COLEC10: variants seen among roughly 807,000 people sequenced by gnomAD.
COLEC10 encodes collectin subfamily member 10.
COLEC10 carries 22 observed loss-of-function variants against 28.4 expected under a neutral mutation model. The observed-to-expected ratio is 0.78, with a 90% CI of 0.55 to 1.11. The LOEUF is 1.11. Among genes scored for constraint, COLEC10 ranks in the 50% least tolerant of loss-of-function variants. COLEC10 has a pLI of 0.00. For missense variants in COLEC10, 361 were observed against 344.1 expected (o/e 1.05, Z -0.39); for synonymous variants, 125 against 116.1 (o/e 1.08, Z -0.49).
At position 119,106,125 on chromosome 8, in the gene COLEC10, A is replaced by T. The variant is rs1815937577; in HGVS notation, c.768A>T (p.Arg256Ser). 6.2e-7 allele frequency: 1 copy of T among 1,613,708 alleles called. No individual in the cohort carries two copies. Among genetic ancestry groups the T allele is most frequent in the Non-Finnish European group, 8.5e-7 (1 of 1,179,812 alleles). The change falls in exon 6 of 6, where the codon AGA (arginine) becomes AGT (serine). Residue 256 changes from arginine to serine, a missense_variant. Arg to Ser is a moderately radical substitution (Grantham distance 110, BLOSUM62 -1). This residue lies in a region of COLEC10 where 4 missense variants were observed against 18.3 expected (regional missense o/e 0.22). Coordinates refer to ENST00000332843, the MANE Select transcript of COLEC10 (RefSeq NM_006438.5). ...EDCVEMLSSG[R>S]WNDTECHLTM... is the part of the protein sequence containing the mutation. ...GTGTGGAGATGCTGAGCTCTGGCAG[A>T]TGGAATGACACAGAGTGCCATCTTA...
intron 1 of COLEC10, among the ~76,000 whole-genome samples, chr8:119,076,444 GTAGAGA>G (rs1815239068): frequency 4.6e-5 from 7 of 152,034 alleles, no homozygotes; most frequent in African/African-American, 1.7e-4. Context: ...TGTATTTTTA[GTAGAGA>G]TGGGGTTTCA....
chr8:119,017,457 A>G (rs373739570), intron 2 of COLEC10, among the ~76,000 whole-genome samples: 1 of 152,168 alleles, frequency 6.6e-6, no homozygotes, highest in Admixed American at 6.5e-5. Context: ...TTACTTATTG[A>G]TGGTGCTTGA....
chr8:119,079,204 C>T (rs1815319149), intron 1 of COLEC10, among the ~76,000 whole-genome samples: 2 of 152,092 alleles, frequency 1.3e-5, no homozygotes, highest in African/African-American at 2.4e-5. Flanking sequence ...TATTCTGGAG[C>T]TCTCACTACC....
At chr8:118,969,680 T>C in the COLEC10 span, among the ~76,000 whole-genome samples, 1 of 151,612 alleles carries the variant, frequency 6.6e-6, no homozygotes, top group Non-Finnish European at 1.5e-5. Context: ...ATAATTGGCT[T>C]GTTTCTTTCT....
rs117716833 is a variant in COLEC10 at position 119,027,872 on chromosome 8, C to T, written n.235+18319C>T. 2.6e-5 allele frequency among the ~76,000 whole-genome samples: 4 copies of T among 152,260 alleles called. No individual in the cohort carries two copies. The East Asian group carries it at 7.7e-4, about 29-fold the overall frequency. On this transcript the variant is annotated intron_variant and non_coding_transcript_variant, in intron 2 of 6. Coordinates refer to the COLEC10 transcript ENST00000521788. ...AAATTTTGGCTAAAACACTTAACAA[C>T]TTGTATTATAATGTGGTTCATTGAA...
At chr8:119,018,990 A>C (rs1312172458) in intron 2 of COLEC10, among the ~76,000 whole-genome samples, 3 of 152,078 alleles carry the variant, frequency 2.0e-5, no homozygotes, top group Non-Finnish European at 2.9e-5. Flanking sequence ...CAAGATAAGG[A>C]TTTTGTTTGA....
intron 1 of COLEC10, among the ~76,000 whole-genome samples, chr8:119,009,281 A>C (rs1480896956): frequency 1.3e-5 from 2 of 150,830 alleles, no homozygotes; most frequent in African/African-American, 5.0e-5. Flanking sequence ...CTTGATCCTC[A>C]ATGTGGCAGC....
At chr8:119,037,458 T>C (rs1449603396) in intron 2 of COLEC10, among the ~76,000 whole-genome samples, 1 of 152,182 alleles carries the variant, frequency 6.6e-6, no homozygotes, top group East Asian at 1.9e-4. Flanking sequence ...TAACAAGTTA[T>C]TCAGCACTGA....
chr8:119,007,167 CTT>C (rs1277333437), intron 1 of COLEC10, among the ~76,000 whole-genome samples: 1 of 152,040 alleles, frequency 6.6e-6, no homozygotes, highest in Non-Finnish European at 1.5e-5. Context: ...GACTGAAAAA[CTT>C]TGTGTTAAGT....
intron 1 of COLEC10, among the ~76,000 whole-genome samples, chr8:119,073,559 TG>T (rs1404690556): frequency 3.3e-5 from 5 of 152,158 alleles, no homozygotes; most frequent in Non-Finnish European, 5.9e-5. Flanking sequence ...TTCAGTGGTT[TG>T]TTTTTTTTTA....
the COLEC10 span, among the ~76,000 whole-genome samples, chr8:118,974,621 C>G: frequency 1.3e-5 from 2 of 151,964 alleles, no homozygotes; most frequent in Non-Finnish European, 2.9e-5. Context: ...TGTTCATTCT[C>G]ACTGTTCTCA....
intron 1 of COLEC10, among the ~76,000 whole-genome samples, chr8:119,074,746 T>C (rs1815192534): frequency 1.3e-5 from 2 of 152,212 alleles, no homozygotes; most frequent in Non-Finnish European, 2.9e-5. Flanking sequence ...GACCACCTCT[T>C]CTCTTCGCTG....
intron 2 of COLEC10, among the ~76,000 whole-genome samples, chr8:119,062,049 A>G (rs530033633): frequency 6.6e-6 from 1 of 152,320 alleles, no homozygotes; most frequent in East Asian, 1.9e-4. Context: ...AGAGAGAAAC[A>G]AAATTAGTAC....
At chr8:119,073,539 G>A (rs1453057623) in intron 1 of COLEC10, among the ~76,000 whole-genome samples, 3 of 151,960 alleles carry the variant, frequency 2.0e-5, no homozygotes, top group Non-Finnish European at 4.4e-5. Context: ...CATAAGGACA[G>A]ACCAATATTT....
At chr8:119,031,611 A>T (rs1814289500) in intron 2 of COLEC10, among the ~76,000 whole-genome samples, 1 of 152,268 alleles carries the variant, frequency 6.6e-6, no homozygotes, top group Admixed American at 6.5e-5. Context: ...AGGAACATGC[A>T]GCTGAAAGAG....
chr8:119,064,779 T>G (rs1385495), upstream of COLEC10, among the ~76,000 whole-genome samples: 33,930 of 152,048 alleles, frequency 0.22, 4,050 homozygotes, highest in East Asian at 0.47. Context: ...AGCAGGATTT[T>G]GGGAAATAAT....
intron 2 of COLEC10, among the ~76,000 whole-genome samples, chr8:119,049,922 A>G (rs986136366): frequency 2.0e-5 from 3 of 152,200 alleles, no homozygotes; most frequent in Non-Finnish European, 2.9e-5. Flanking sequence ...CAGTATTGCT[A>G]TGGCTGAACA....
chr8:119,091,232 C>T lies in COLEC10; in HGVS notation c.292+12C>T. The T allele has an allele frequency of 6.2e-7, 1 of 1,604,168 alleles. No homozygotes were observed. Among genetic ancestry groups the T allele is most frequent in the South Asian group, 1.1e-5 (1 of 90,550 alleles). ...CATTGGGAAGAAGGGTAAGTTGCAT[C>T]TTACTATTCTCCAGTAGCAATTCAA... On this transcript the variant is annotated intron_variant, in intron 3 of 5. Transcript: ENST00000332843.
the COLEC10 span, among the ~76,000 whole-genome samples, chr8:118,952,405 T>G: frequency 6.6e-6 from 1 of 152,260 alleles, no homozygotes; most frequent in African/African-American, 2.4e-5. Flanking sequence ...CCCGGCTGCC[T>G]GACCCCTTCA....
Sources: allele counts gnomAD v4.1 joint callset (sites outside exome capture counted in the v4.1 genomes callset), GRCh38; gene constraint gnomAD v4.1.1; regional missense constraint gnomAD v4.1.1; transcripts MANE v1.5; gene names NCBI Gene and HGNC (gene_info 2026-07-23, HGNC 2026-07-21).